The following GMDS variants were observed in gnomAD, a reference collection of about 807,000 sequenced individuals.
GMDS encodes the protein GDP-mannose 4,6 dehydratase.
GMDS carries 20 observed loss-of-function variants against 49.9 expected under a neutral mutation model. The ratio of observed to expected loss-of-function variants is 0.40; its 90% confidence interval spans 0.28 to 0.58. The LOEUF (loss-of-function observed/expected upper bound fraction) is 0.58, where lower values mean the gene tolerates loss of function less well. Among genes scored for constraint, GMDS ranks in the 20% least tolerant of loss-of-function variants. The pLI is 0.42. For synonymous variants in GMDS, 177 were observed against 178.6 expected (o/e 0.99, Z 0.07); for missense variants, 362 against 481.4 (o/e 0.75, Z 2.32).
chr6:1,877,274 C>T (rs1400286056), intron 7 of GMDS, among the ~76,000 whole-genome samples: 1 of 152,050 alleles, frequency 6.6e-6, no homozygotes, highest in African/African-American at 2.4e-5. Flanking sequence ...CTTCTTCTGT[C>T]AAGTCTTCCA....
chr6:1,944,410 C>G (rs1270786591), intron 6 of GMDS, among the ~76,000 whole-genome samples: 1 of 151,964 alleles, frequency 6.6e-6, no homozygotes, highest in Non-Finnish European at 1.5e-5. Flanking sequence ...GAGGCTGAGG[C>G]AGGAGAATGG....
At chr6:2,108,930 A>G (rs1405297767) in intron 4 of GMDS, among the ~76,000 whole-genome samples, 1 of 152,318 alleles carries the variant, frequency 6.6e-6, no homozygotes, top group East Asian at 1.9e-4. Context: ...TTATTAAAAA[A>G]CAAAGGATCC....
chr6:2,106,878 A>AG (rs1774274479), intron 4 of GMDS, among the ~76,000 whole-genome samples: 1 of 152,094 alleles, frequency 6.6e-6, no homozygotes, highest in African/African-American at 2.4e-5. Context: ...AAGAAAAAAA[A>AG]AAGGAAAAGT....
At chr6:2,122,451 G>A (rs955953430) in intron 2 of GMDS, among the ~76,000 whole-genome samples, 17 of 151,978 alleles carry the variant, frequency 1.1e-4, no homozygotes, top group African/African-American at 3.9e-4. Context: ...AATAAAATAC[G>A]TCCCTCTCTC....
intron 8 of GMDS, among the ~76,000 whole-genome samples, chr6:1,728,507 G>A (rs1054981115): frequency 9.2e-5 from 14 of 152,144 alleles, no homozygotes; most frequent in African/African-American, 1.4e-4. Context: ...ACTTATGTGC[G>A]CACCAATATT....
At chr6:2,197,511 C>T (rs1779326533) in intron 1 of GMDS, among the ~76,000 whole-genome samples, 1 of 152,142 alleles carries the variant, frequency 6.6e-6, no homozygotes, top group African/African-American at 2.4e-5. Context: ...CGTCAAGGGC[C>T]AGGTCTATAA....
At chr6:1,960,021 G>A (rs751621799) in intron 5 of GMDS, 50 bp from the exon 6 acceptor site, 2 of 1,056,702 alleles carry the variant, frequency 1.9e-6, no homozygotes, top group East Asian at 4.9e-5. Context: ...AAAAGACAGT[G>A]ATTCTCACCA....
At chr6:2,152,847 A>G (rs1184861408) in intron 1 of GMDS, among the ~76,000 whole-genome samples, 8 of 152,216 alleles carry the variant, frequency 5.3e-5, no homozygotes, top group African/African-American at 7.2e-5. Flanking sequence ...AAATATAACT[A>G]TATCAGAGAT....
chr6:2,036,108 C>G (rs888088054), intron 4 of GMDS, among the ~76,000 whole-genome samples: 1 of 152,188 alleles, frequency 6.6e-6, no homozygotes, highest in East Asian at 1.9e-4. Context: ...GTTCTCCTTT[C>G]ACCTAACTTT....
intron 1 of GMDS, among the ~76,000 whole-genome samples, chr6:2,230,930 T>TCCCCCCCCCCCCCCCCCCCCCCCCC (rs797010185): frequency 1.4e-4 from 2 of 14,540 alleles, no homozygotes; most frequent in Admixed American, 1.0e-3. Context: ...AGTATTCTCT[T>TCCCCCCCCCCCCCCCCCCCCCCCCC]CCCCCCTCCC....
At chr6:2,120,777 T>A (rs1014475006) in intron 2 of GMDS, among the ~76,000 whole-genome samples, 1 of 152,210 alleles carries the variant, frequency 6.6e-6, no homozygotes, top group Non-Finnish European at 1.5e-5. Flanking sequence ...ATCCTCCGTT[T>A]TCCCTTATGA....
At chr6:1,941,869 A>G (rs1371910662) in intron 6 of GMDS, among the ~76,000 whole-genome samples, 2 of 152,150 alleles carry the variant, frequency 1.3e-5, no homozygotes, top group Non-Finnish European at 2.9e-5. Flanking sequence ...CAGAGTTCAG[A>G]TGTTCTGAGG....
intron 4 of GMDS, among the ~76,000 whole-genome samples, chr6:2,083,056 C>T (rs1319381419): frequency 6.6e-6 from 1 of 152,202 alleles, no homozygotes; most frequent in African/African-American, 2.4e-5. Flanking sequence ...CAGGTATCTG[C>T]AAATTTTTCA....
chr6:1,912,466 C>T (rs749300174), intron 7 of GMDS, among the ~76,000 whole-genome samples: 1 of 152,176 alleles, frequency 6.6e-6, no homozygotes, highest in Non-Finnish European at 1.5e-5. Flanking sequence ...AAACACTTTG[C>T]ATTACCTTAC....
At chr6:1,660,563 T>C (rs553840194) in intron 9 of GMDS, among the ~76,000 whole-genome samples, 3 of 150,166 alleles carry the variant, frequency 2.0e-5, no homozygotes, top group Admixed American at 1.3e-4. Context: ...TAGGAGAAAA[T>C]GAAAACATGT....
intron 7 of GMDS, among the ~76,000 whole-genome samples, chr6:1,821,412 A>G (rs951561359): frequency 2.0e-5 from 3 of 151,690 alleles, no homozygotes; most frequent in South Asian, 2.1e-4. Flanking sequence ...GGCTTTAGGG[A>G]GCAAACTCTG....
intron 4 of GMDS, among the ~76,000 whole-genome samples, chr6:2,036,732 C>A (rs1769328539): frequency 6.6e-6 from 1 of 152,124 alleles, no homozygotes; most frequent in Admixed American, 6.5e-5. Flanking sequence ...CCTCACGAAG[C>A]ATATTCTATG....
chr6:2,080,124 C>A (rs1233297574), intron 4 of GMDS, among the ~76,000 whole-genome samples: 1 of 152,062 alleles, frequency 6.6e-6, no homozygotes, highest in African/African-American at 2.4e-5. Context: ...TTTTTTATTT[C>A]ATTCAATGAA....
At chr6:2,120,855 T>C (rs988892393) in intron 2 of GMDS, among the ~76,000 whole-genome samples, 10 of 152,230 alleles carry the variant, frequency 6.6e-5, no homozygotes, top group African/African-American at 2.2e-4. Context: ...GGAATACTCA[T>C]TAATGAATCC....
Sources: allele counts gnomAD v4.1 joint callset (sites outside exome capture counted in the v4.1 genomes callset), GRCh38; gene constraint gnomAD v4.1.1; transcripts MANE v1.5; gene names NCBI Gene and HGNC (gene_info 2026-07-23, HGNC 2026-07-21).